The following GAK variants were observed in gnomAD, a reference collection of about 807,000 sequenced individuals.
GAK encodes cyclin G associated kinase.
Under a neutral mutation model 143.9 loss-of-function variants are expected in GAK, and 79 were observed. The observed-to-expected ratio is 0.55, with a 90% confidence interval of 0.46 to 0.66. The LOEUF (loss-of-function observed/expected upper bound fraction) is 0.66. Among genes scored for constraint, GAK ranks in the 30% least tolerant of loss-of-function variants. The pLI is 0.00. For synonymous variants in GAK, 881 were observed against 765.5 expected (o/e 1.15, Z -2.49); for missense variants, 1,693 against 1,779.7 (o/e 0.95, Z 0.88).
chr4:866,089 G>A (rs1359570390), intron 22 of GAK, among the ~76,000 whole-genome samples: 1 of 152,266 alleles, frequency 6.6e-6, no homozygotes, highest in African/African-American at 2.4e-5. Flanking sequence ...AGGAGGCCTG[G>A]AGAAACACCT....
At chr4:925,537 T>C (rs1724580694) in intron 1 of GAK, among the ~76,000 whole-genome samples, 1 of 152,224 alleles carries the variant, frequency 6.6e-6, no homozygotes, top group African/African-American at 2.4e-5. Flanking sequence ...ACATTTTCAA[T>C]ACACACATAA....
At chr4:887,210 T>C (rs1172323268) in intron 11 of GAK, 1 of 128,626 alleles carries the variant, frequency 7.8e-6, no homozygotes. Context: ...CACTCACGCG[T>C]ACACATGCAC....
chr4:852,014 C>G (rs1174408313), intron 24 of GAK, 40 bp from the exon 25 acceptor site: 1 of 1,512,826 alleles, frequency 6.6e-7, no homozygotes, highest in Non-Finnish European at 9.1e-7. Context: ...TCTGGTTGTC[C>G]ATGAGGGGCA....
At chr4:880,752 T>TTCAA (rs1351337904) in intron 15 of GAK, among the ~76,000 whole-genome samples, 3 of 152,226 alleles carry the variant, frequency 2.0e-5, no homozygotes, top group African/African-American at 7.2e-5. Context: ...GGCCATGAAC[T>TTCAA]TGAAGCTGGT....
At chr4:902,612 A>AAAAAAAAAAAAAAAAAAAAAAC (rs1560401696) in intron 5 of GAK, among the ~76,000 whole-genome samples, 2 of 143,932 alleles carry the variant, frequency 1.4e-5, no homozygotes, top group African/African-American at 5.2e-5. Flanking sequence ...AAAAAAAAAA[A>AAAAAAAAAAAAAAAAAAAAAAC]AACCCCAAAA....
intron 1 of GAK, among the ~76,000 whole-genome samples, chr4:931,692 C>T (rs1312636159): frequency 6.6e-6 from 1 of 152,192 alleles, no homozygotes; most frequent in African/African-American, 2.4e-5. Flanking sequence ...GCCACCATCC[C>T]CCACCTCACC....
intron 4 of GAK, among the ~76,000 whole-genome samples, chr4:910,738 C>A (rs1721901562): frequency 6.9e-6 from 1 of 144,194 alleles, no homozygotes; most frequent in Non-Finnish European, 1.5e-5. Context: ...CTCCTCTCCC[C>A]TCTCTCCCTG....
At chr4:883,905 G>A (rs1281149100) in intron 12 of GAK, 132 bp downstream of exon 12, 1 of 895,504 alleles carries the variant, frequency 1.1e-6, no homozygotes, top group Non-Finnish European at 1.7e-6. Context: ...GGGGCCCCAG[G>A]TCACCCCTGT....
chr4:897,950 C>G, intron 6 of GAK, 83 bp downstream of exon 6: 1 of 1,450,610 alleles, frequency 6.9e-7, no homozygotes, highest in Admixed American at 2.3e-5. Flanking sequence ...TCAAAGCACC[C>G]CGGCGGAAAA....
At chr4:884,168 C>G in intron 11 of GAK, 82 bp from the exon 12 acceptor site, 2 of 1,243,526 alleles carry the variant, frequency 1.6e-6, no homozygotes, top group Non-Finnish European at 2.3e-6. Flanking sequence ...GAGCCCGAGG[C>G]CTGGAGAAGC....
rs746232447 is a variant in GAK, at chr4:859,434, G to A, written c.3283+172C>T. ...GGTTTTAGCTTGCCAGTTGGCAGTC[G>A]CCTGGAACAGGTGCAGACACGCTGT... On this transcript the variant is annotated intron_variant, in intron 24 of 27. Coordinates refer to ENST00000314167, the MANE Select transcript of GAK (RefSeq NM_005255.4). 28 of 1,573,310 alleles carry A rather than the reference G, an allele frequency of 1.8e-5. 1 individual carries two copies. The Middle Eastern group carries it at 5.0e-4, about 28-fold the overall frequency.
intron 9 of GAK, among the ~76,000 whole-genome samples, chr4:893,135 C>T (rs1718002908): frequency 6.6e-6 from 1 of 151,406 alleles, no homozygotes; most frequent in East Asian, 1.9e-4. Flanking sequence ...TGCCTCCCGC[C>T]CCTCTGTGAT....
chr4:906,736 C>A (rs183218387), intron 4 of GAK, among the ~76,000 whole-genome samples: 1 of 152,100 alleles, frequency 6.6e-6, no homozygotes, highest in Admixed American at 6.5e-5. Flanking sequence ...CACTCCACAC[C>A]CCTGAAGGCC....
At chr4:869,100 C>A (rs1006300805) in intron 19 of GAK, 1 of 233,122 alleles carries the variant, frequency 4.3e-6, no homozygotes, top group Non-Finnish European at 8.7e-6. Context: ...ACAGCACACA[C>A]AGATGCACAG....
chr4:903,164 G>C (rs951851450), intron 5 of GAK, among the ~76,000 whole-genome samples: 1 of 152,138 alleles, frequency 6.6e-6, no homozygotes, highest in Non-Finnish European at 1.5e-5. Context: ...GTGGTGGGCA[G>C]GGATGGAGCG....
intron 4 of GAK, 48 bp downstream of exon 4, chr4:911,625 G>T: frequency 7.6e-7 from 1 of 1,323,950 alleles, no homozygotes; most frequent in Non-Finnish European, 1.1e-6. Context: ...CATCAAGCCG[G>T]CCTCTGCTGG....
At chr4:900,800 A>G (rs1719723931) in intron 5 of GAK, among the ~76,000 whole-genome samples, 1 of 152,236 alleles carries the variant, frequency 6.6e-6, no homozygotes, top group Non-Finnish European at 1.5e-5. Flanking sequence ...AGTAAAATAC[A>G]AGGAAAGAAG....
chr4:889,200 C>T (rs1400756200), intron 10 of GAK, among the ~76,000 whole-genome samples: 1 of 152,188 alleles, frequency 6.6e-6, no homozygotes, highest in Non-Finnish European at 1.5e-5. Flanking sequence ...GGCCTCAGCA[C>T]TGGCAGGTCT....
chr4:870,674 AG>A, intron 19 of GAK, 36 bp downstream of exon 19: 1 of 1,601,990 alleles, frequency 6.2e-7, no homozygotes, highest in Non-Finnish European at 8.5e-7. Context: ...GACACTCACC[AG>A]AACAGGGTTC....
Sources: gnomAD v4.1 joint callset for allele counts (sites outside exome capture counted in the v4.1 genomes callset) on GRCh38, gnomAD v4.1.1 for gene constraint, MANE v1.5 for transcripts, NCBI Gene and HGNC (gene_info 2026-07-23, HGNC 2026-07-21) for gene names.